Variants in TRIM71 observed in about 807,000 individuals in gnomAD.
TRIM71 encodes tripartite motif containing 71.
TRIM71 carries 9 observed loss-of-function variants against 61.2 expected under a neutral mutation model. The observed-to-expected ratio is 0.15, with a 90% CI of 0.09 to 0.26. TRIM71 has a LOEUF of 0.26. Ranked by LOEUF, TRIM71 falls within the 10% of genes least tolerant of loss-of-function variation. TRIM71 has a pLI of 1.00. For missense variants in TRIM71, 998 were observed against 1,238.7 expected, an observed-to-expected ratio of 0.81 and a Z score of 2.92; for synonymous variants, 645 against 553.2, an observed-to-expected ratio of 1.17 and a Z score of -2.33.
intron 2 of TRIM71, among the ~76,000 whole-genome samples, chr3:32,878,474 T>A (rs1347250039): frequency 1.2e-4 from 18 of 151,892 alleles, no homozygotes; most frequent in Admixed American, 1.2e-3. Context: ...AATTAGCCGG[T>A]CATGGTGGCA....
chr3:32,853,479 T>C (rs2125682692), intron 1 of TRIM71, among the ~76,000 whole-genome samples: 1 of 152,304 alleles, frequency 6.6e-6, no homozygotes, highest in Admixed American at 6.5e-5. Flanking sequence ...TATTAACTAG[T>C]ACTCTATTAA....
chr3:32,836,005 T>G (rs1696330318), intron 1 of TRIM71, among the ~76,000 whole-genome samples: 1 of 152,160 alleles, frequency 6.6e-6, no homozygotes, highest in African/African-American at 2.4e-5. Flanking sequence ...GTGAAATTTA[T>G]TTTGCCTTTT....
chr3:32,865,000 T>G (rs1164822727), intron 1 of TRIM71, among the ~76,000 whole-genome samples: 1 of 152,026 alleles, frequency 6.6e-6, no homozygotes, highest in African/African-American at 2.4e-5. Flanking sequence ...CTGCCCCTTA[T>G]GGTTCACCTG....
At chr3:32,888,786 C>G (rs1190630787) in intron 3 of TRIM71, among the ~76,000 whole-genome samples, 1 of 152,174 alleles carries the variant, frequency 6.6e-6, no homozygotes, top group Non-Finnish European at 1.5e-5. Context: ...GTGGTCCACC[C>G]ATCTTGGCCT....
In TRIM71 at chr3:32,895,063, G is replaced by A. The variant is rs1480293128; in HGVS notation, c.*3252G>A. On this transcript the variant is annotated 3_prime_UTR_variant, in exon 4 of 4. Transcript: ENST00000383763. Reference sequence around the variant, plus strand: ...TTGGATATATAGGTTTGAGTATTGAGATGTTTAAAGGACATCTAACCCATA... The same window carrying A: ...TTGGATATATAGGTTTGAGTATTGAAATGTTTAAAGGACATCTAACCCATA... 6.6e-6 allele frequency: 1 copy of A among 152,168 alleles called. No homozygotes were observed. The highest frequency in any genetic ancestry group is 1.5e-5 in the Non-Finnish European group (1 of 68,040). 9.4% of individuals were successfully genotyped at this position (152,168 alleles called of 1,614,324 possible).
intron 2 of TRIM71, among the ~76,000 whole-genome samples, chr3:32,876,442 G>A (rs967747242): frequency 6.6e-6 from 1 of 152,184 alleles, no homozygotes; most frequent in African/African-American, 2.4e-5. Flanking sequence ...AAATTAGCCA[G>A]GCATGGTGGC....
At chr3:32,841,697 G>A (rs7610310) in intron 1 of TRIM71, among the ~76,000 whole-genome samples, 144,372 of 152,216 alleles carry the variant, frequency 0.95, 68,663 homozygotes, top group Non-Finnish European at 0.99. Flanking sequence ...TTGGCTTAAC[G>A]TGGTGGCTTC....
chr3:32,891,212 G>A lies in TRIM71; in HGVS notation c.2008G>A (p.Ala670Thr), dbSNP rs759785524. 3 of 1,613,294 alleles carry A rather than the reference G, an allele frequency of 1.9e-6. No individual in the cohort carries two copies. The highest frequency in any genetic ancestry group is 2.5e-6 in the Non-Finnish European group (3 of 1,179,518). Residue 670 changes from alanine to threonine, a missense_variant, in exon 4 of 4, where the codon GCT becomes ACT. Ala to Thr is a moderately conservative substitution (Grantham distance 58, BLOSUM62 0). This residue lies in a region of TRIM71 where 83 missense variants were observed against 202.7 expected (regional missense o/e 0.41). Transcript: ENST00000383763. The surrounding 1 kb of genome is among the most constrained non-coding windows in gnomAD (Gnocchi z 8.2). ...TGACGCCTCACGCAGGATCGTGGTG[G>A]CTGACAAGGACAATCATCGCATCCA... The part of the protein sequence containing the change: ...ACDASRRIVV[A>T]DKDNHRIQIF...
intron 2 of TRIM71, among the ~76,000 whole-genome samples, chr3:32,876,192 G>C (rs1559549036): frequency 6.6e-6 from 1 of 152,114 alleles, no homozygotes. Flanking sequence ...TTCATTTTAT[G>C]CCACGACAGT....
chr3:32,869,155 A>G (rs760098660), intron 1 of TRIM71, among the ~76,000 whole-genome samples: 1 of 152,118 alleles, frequency 6.6e-6, no homozygotes, highest in Non-Finnish European at 1.5e-5. Context: ...TCTGGGCCTC[A>G]TTTGCTTCTG....
At chr3:32,828,270 G>C (rs1000585208) in intron 1 of TRIM71, among the ~76,000 whole-genome samples, 18 of 152,230 alleles carry the variant, frequency 1.2e-4, no homozygotes, top group African/African-American at 4.3e-4. Flanking sequence ...CATTGAGCAG[G>C]AGAGTAGAAA....
intron 1 of TRIM71, among the ~76,000 whole-genome samples, chr3:32,849,983 T>G (rs1416947681): frequency 6.6e-6 from 1 of 152,196 alleles, no homozygotes; most frequent in African/African-American, 2.4e-5. Context: ...ATGTCTTCAG[T>G]GTCTTTCAAA....
At chr3:32,833,633 T>TA (rs1161538223) in intron 1 of TRIM71, among the ~76,000 whole-genome samples, 8 of 144,944 alleles carry the variant, frequency 5.5e-5, no homozygotes, top group East Asian at 3.9e-4. Flanking sequence ...TGAGAATGCT[T>TA]TTTTATTTAT....
rs1181576283 is a variant in TRIM71 at position 32,893,200 on chromosome 3, C to G, written c.*1389C>G. 1 of 151,402 alleles carries G rather than the reference C, an allele frequency of 6.6e-6. No individual in the cohort carries two copies. The highest frequency in any genetic ancestry group is 1.5e-5 in the Non-Finnish European group (1 of 67,976). 9.4% of individuals were successfully genotyped at this position (151,402 alleles called of 1,614,324 possible). A position where few individuals can be genotyped will look rare whatever the true frequency, so the allele number is the denominator to read the frequency against. ...AACATGAATCCCCCCGCCCCCTCTC[C>G]CCCCAAGGCCTTTGACCATAAAGGA... On this transcript the variant is annotated 3_prime_UTR_variant, in exon 4 of 4. Transcript: ENST00000383763.
chr3:32,876,877 A>G (rs1279095824), intron 2 of TRIM71, among the ~76,000 whole-genome samples: 1 of 152,132 alleles, frequency 6.6e-6, no homozygotes, highest in East Asian at 1.9e-4. Flanking sequence ...TGGGGAGAAA[A>G]GAGTGTGGGG....
intron 1 of TRIM71, among the ~76,000 whole-genome samples, chr3:32,838,988 T>A (rs1696372489): frequency 1.2e-4 from 18 of 150,862 alleles, no homozygotes; most frequent in Admixed American, 1.2e-3. Context: ...TTTAATAGAG[T>A]CGGGGTTTCA....
At chr3:32,875,383 A>G (rs766189543) in intron 2 of TRIM71, among the ~76,000 whole-genome samples, 3 of 152,344 alleles carry the variant, frequency 2.0e-5, no homozygotes, top group Non-Finnish European at 4.4e-5. Flanking sequence ...CCAGGTGACA[A>G]GGTTTTAGGA....
At chr3:32,829,945 T>TTCC (rs1553643480) in intron 1 of TRIM71, among the ~76,000 whole-genome samples, 2 of 141,288 alleles carry the variant, frequency 1.4e-5, no homozygotes, top group African/African-American at 2.7e-5. Flanking sequence ...TTTTTTTTTT[T>TTCC]CGAGATGGAG....
chr3:32,849,744 G>A (rs920533463), intron 1 of TRIM71, among the ~76,000 whole-genome samples: 6 of 151,986 alleles, frequency 3.9e-5, no homozygotes, highest in Admixed American at 3.3e-4. Flanking sequence ...TTTTTTGTCC[G>A]GTGGGGTAAG....
Sources: allele counts gnomAD v4.1 joint callset (sites outside exome capture counted in the v4.1 genomes callset), GRCh38; gene constraint gnomAD v4.1.1; regional missense constraint gnomAD v4.1.1; non-coding constraint Gnocchi (gnomAD v3.1); transcripts MANE v1.5; gene names NCBI Gene and HGNC (gene_info 2026-07-23, HGNC 2026-07-21).